Variants in PTBP3 observed in about 807,000 individuals in gnomAD.
PTBP3 encodes polypyrimidine tract binding protein 3, also known as polypyrimidine tract-binding protein 3.
In PTBP3, 20 loss-of-function variants were observed where a neutral mutation model predicts 58.7. The observed-to-expected ratio is 0.34, with a 90% CI of 0.24 to 0.50. The LOEUF (loss-of-function observed/expected upper bound fraction) is 0.50. Among genes scored for constraint, PTBP3 ranks in the 20% least tolerant of loss-of-function variants. The pLI, the probability that PTBP3 is intolerant of heterozygous loss-of-function variation, is 0.98. For missense variants in PTBP3, 509 were observed against 637.2 expected (o/e 0.80, Z 2.17); for synonymous variants, 185 against 219.8 (o/e 0.84, Z 1.40).
At chr9:112,229,072 T>A (rs1282616393) in intron 10 of PTBP3, among the ~76,000 whole-genome samples, 1 of 152,150 alleles carries the variant, frequency 6.6e-6, no homozygotes, top group African/African-American at 2.4e-5. Flanking sequence ...GGAAAGATAA[T>A]AATCAAACTC....
At chr9:112,352,071 C>A in the PTBP3 span, among the ~76,000 whole-genome samples, 1 of 151,850 alleles carries the variant, frequency 6.6e-6, no homozygotes, top group African/African-American at 2.4e-5. Context: ...GCAGCTGCCA[C>A]CACTCCCAGC....
chr9:112,341,895 T>G, the PTBP3 span, among the ~76,000 whole-genome samples: 3 of 152,176 alleles, frequency 2.0e-5, no homozygotes, highest in Admixed American at 6.6e-5. Context: ...TGATGGCTAA[T>G]TTTAGGTGTC....
Position 112,223,785 on chromosome 9 carries a change from T to A in PTBP3, c.*66A>T. On this transcript the variant is annotated 3_prime_UTR_variant, in exon 14 of 14. Transcript: ENST00000374257. ...GAGGCAAAATTGGTCTTGAGCTGCT[T>A]CAGTCTATGTCTGAAGGTTTTACTG... The A allele has an allele frequency of 6.2e-7, 1 of 1,606,334 alleles. No individual in the cohort carries two copies. Among genetic ancestry groups the A allele is most frequent in the Non-Finnish European group, 8.5e-7 (1 of 1,176,400 alleles).
chr9:112,338,025 A>T (rs1218241353), upstream of PTBP3, among the ~76,000 whole-genome samples: 1 of 152,232 alleles, frequency 6.6e-6, no homozygotes, highest in Non-Finnish European at 1.5e-5. Context: ...AAACAGAAAC[A>T]TCTGAAATTA....
chr9:112,289,978 GA>G (rs1241026507), intron 2 of PTBP3, among the ~76,000 whole-genome samples: 1 of 152,076 alleles, frequency 6.6e-6, no homozygotes. Context: ...AGCTGAGAAA[GA>G]AATGTTAACA....
the PTBP3 span, among the ~76,000 whole-genome samples, chr9:112,375,779 A>C: frequency 6.6e-6 from 1 of 152,164 alleles, no homozygotes; most frequent in Admixed American, 6.5e-5. Flanking sequence ...ATGGGTCAGA[A>C]AGCATCCAGT....
At chr9:112,232,529 C>T (rs769800447) in intron 8 of PTBP3, among the ~76,000 whole-genome samples, 4 of 152,162 alleles carry the variant, frequency 2.6e-5, no homozygotes, top group Non-Finnish European at 5.9e-5. Context: ...CTATCAACTA[C>T]AAACACTCCC....
At position 112,247,193 on chromosome 9, in the gene PTBP3, G is replaced by A. The variant is rs77824707; in HGVS notation, c.802+3736C>T. 7.4e-3 allele frequency among the ~76,000 whole-genome samples: 1,127 copies of A among 151,860 alleles called. 96 individuals carry two copies. The East Asian group carries it at 0.18, about 24-fold the overall frequency. ...AGGTACAAGGATCACTTGAGCCCTG[G>A]AGGTTGAGGTTGCAGTTAGCTGTGA... On this transcript the variant is annotated intron_variant, in intron 7 of 13. Coordinates refer to ENST00000374257, the MANE Select transcript of PTBP3 (RefSeq NM_001163788.4).
At chr9:112,228,198 T>TAGAAGAGTGATG (rs1461639333) in intron 11 of PTBP3, among the ~76,000 whole-genome samples, 182 bp downstream of exon 11, 5 of 152,178 alleles carry the variant, frequency 3.3e-5, no homozygotes, top group Non-Finnish European at 5.9e-5. Flanking sequence ...ACTTCAGACT[T>TAGAAGAGTGATG]AGAAGAGTGA....
chr9:112,304,946 A>G (rs967404849), intron 1 of PTBP3, among the ~76,000 whole-genome samples: 1 of 152,126 alleles, frequency 6.6e-6, no homozygotes, highest in African/African-American at 2.4e-5. Context: ...TTTTTTCAGG[A>G]TAAATATTCA....
intron 1 of PTBP3, chr9:112,332,781 T>A: frequency 6.2e-7 from 1 of 1,612,578 alleles, no homozygotes; most frequent in Non-Finnish European, 8.5e-7. Context: ...ATATTTTACA[T>A]ACACGGGCAG....
intron 1 of PTBP3, among the ~76,000 whole-genome samples, chr9:112,316,024 A>G (rs1829690060): frequency 6.6e-6 from 1 of 152,254 alleles, no homozygotes; most frequent in Admixed American, 6.5e-5. Flanking sequence ...TCCAGTCACA[A>G]CAGCAAGTGT....
chr9:112,342,483 G>A, the PTBP3 span, among the ~76,000 whole-genome samples: 2 of 152,206 alleles, frequency 1.3e-5, no homozygotes, highest in African/African-American at 2.4e-5. Flanking sequence ...TTGGGAGGCC[G>A]AAGTGGGCGG....
chr9:112,246,173 G>A (rs961479543), intron 7 of PTBP3, among the ~76,000 whole-genome samples: 1 of 151,706 alleles, frequency 6.6e-6, no homozygotes, highest in African/African-American at 2.4e-5. Context: ...AGTAGAGACA[G>A]GGTTTCACCA....
At chr9:112,347,903 A>G in the PTBP3 span, among the ~76,000 whole-genome samples, 1 of 152,190 alleles carries the variant, frequency 6.6e-6, no homozygotes, top group South Asian at 2.1e-4. Context: ...CTGCCTCATA[A>G]TTTATATATA....
At chr9:112,232,003 AGAG>A (rs1835252423) in intron 9 of PTBP3, 93 bp downstream of exon 9, 1 of 702,034 alleles carries the variant, frequency 1.4e-6, no homozygotes, top group South Asian at 2.5e-5. Context: ...AGAGAAGAGA[AGAG>A]AAGAGAAGAG....
chr9:112,221,231 C>T lies in PTBP3; in HGVS notation c.*2620G>A, dbSNP rs1239377533. The T allele has an allele frequency of 1.6e-5, 16 of 984,720 alleles. No homozygotes were observed. The East Asian group carries it at 4.5e-4, about 28-fold the overall frequency. 61.0% of individuals were successfully genotyped at this position (984,720 alleles called of 1,614,324 possible). ...ATGTAATGTGCATATGTATATACAA[C>T]TTTAGAAGAGTGTATTTATGTATAT... On this transcript the variant is annotated 3_prime_UTR_variant, in exon 14 of 14. Transcript: ENST00000374257.
In PTBP3 at chr9:112,264,590, A is replaced by G. The variant is rs558668227; in HGVS notation, c.352-1991T>C. Among the ~76,000 whole-genome samples, 8 of 152,368 alleles carry G rather than the reference A, an allele frequency of 5.3e-5. No individual in the cohort carries two copies. The South Asian group carries it at 1.7e-3, about 32-fold the overall frequency. On this transcript the variant is annotated intron_variant, in intron 4 of 13. Transcript: ENST00000374257. ...CATCTATCAGCTTTCTGGGAATGTC[A>G]GAATAAAAAGATACTACAGTACTTT...
Position 112,250,966 on chromosome 9 carries a change from G to C in PTBP3, c.765C>G (p.Gly255=). The change falls in exon 7 of 14, where the codon GGC becomes GGG. Residue 255 remains glycine (G), a synonymous_variant. Coordinates refer to ENST00000374257, the MANE Select transcript of PTBP3 (RefSeq NM_001163788.4). ...FTRLDLPTGD[G]QPSLEPPMAA... ...CCATAGGGGGTTCAAGGGATGGCTG[G>C]CCATCACCAGTAGGAAGGTCTAAGC... 1 of 1,608,004 alleles carries C rather than the reference G, an allele frequency of 6.2e-7. No homozygotes were observed. The highest frequency in any genetic ancestry group is 8.5e-7 in the Non-Finnish European group (1 of 1,177,090).
Sources: allele counts gnomAD v4.1 joint callset (sites outside exome capture counted in the v4.1 genomes callset), GRCh38; gene constraint gnomAD v4.1.1; transcripts MANE v1.5; gene names NCBI Gene and HGNC (gene_info 2026-07-23, HGNC 2026-07-21).